SEC31B: variants seen among roughly 807,000 people sequenced by gnomAD.
SEC31B encodes the protein protein transport protein Sec31B.
In SEC31B, 113 loss-of-function variants were observed where a neutral mutation model predicts 135.0. The ratio of observed to expected loss-of-function variants is 0.84; its 90% confidence interval spans 0.72 to 0.98. SEC31B has a LOEUF of 0.98. SEC31B is among the 50% of genes least tolerant of loss of function. The probability of loss-of-function intolerance (pLI) is 0.00; values close to 1 mark genes in which losing one functional copy is unlikely to be tolerated. For synonymous variants in SEC31B, 508 were observed against 549.4 expected (o/e 0.92, Z 1.05); for missense variants, 1,296 against 1,421.1 (o/e 0.91, Z 1.42).
chr10:100,489,862 ACCTC>A, intron 21 of SEC31B, 101 bp from the exon 22 acceptor site: 3 of 1,577,864 alleles, frequency 1.9e-6, no homozygotes, highest in Non-Finnish European at 2.6e-6. Context: ...AGTTCACCAT[ACCTC>A]CCTCTGCAGA....
At position 100,487,645 on chromosome 10, in the gene SEC31B, G is replaced by A. The variant is rs1322565864; in HGVS notation, c.3511C>T (p.Leu1171Phe). The A allele has an allele frequency of 6.2e-7, 1 of 1,613,368 alleles. No homozygotes were observed. The highest frequency in any genetic ancestry group is 1.1e-5 in the South Asian group (1 of 90,892). The change falls in exon 26 of 26, where the codon CTC (leucine) becomes TTC (phenylalanine). Residue 1171 changes from leucine (L) to phenylalanine (F), a missense_variant. Transcript: ENST00000370345. ...SSFMPILKAV[L>F]IIAHKLLV Reference sequence around the variant, plus strand: ...ACCAGCAGCTTATGAGCGATGATGAGGACAGCCTTCAGGATAGGCATGAAG... The same window carrying A: ...ACCAGCAGCTTATGAGCGATGATGAAGACAGCCTTCAGGATAGGCATGAAG...
intron 7 of SEC31B, among the ~76,000 whole-genome samples, chr10:100,506,835 C>T (rs1470370645): frequency 6.6e-6 from 1 of 152,196 alleles, no homozygotes; most frequent in African/African-American, 2.4e-5. Context: ...CACAGTGGCT[C>T]ATGCTTGTAA....
At chr10:100,509,778 G>A (rs572318200) in intron 3 of SEC31B, among the ~76,000 whole-genome samples, 2 of 152,222 alleles carry the variant, frequency 1.3e-5, no homozygotes, top group Admixed American at 6.5e-5. Context: ...ACATATATAT[G>A]TACATTTTTA....
In SEC31B at chr10:100,496,396, GCTC is replaced by G; in HGVS notation, c.2169_2171del (p.Arg723del). The G allele has an allele frequency of 6.2e-7, 1 of 1,614,160 alleles. No individual in the cohort carries two copies. On this transcript the variant is annotated inframe_deletion, in exon 18 of 26. Coordinates refer to ENST00000370345, the MANE Select transcript of SEC31B (RefSeq NM_015490.4). ...CATGAGGACCCCGCAGTTGCTCCAAGCTCCTGTTAAGAACCATCACCTTCTCCA... is the reference window on the plus strand; with the variant it reads ...CATGAGGACCCCGCAGTTGCTCCAAGCTGTTAAGAACCATCACCTTCTCCA...
At position 100,514,603 on chromosome 10, in the gene SEC31B, G is replaced by A. The variant is rs71488065; in HGVS notation, c.203+1493C>T. Among the ~76,000 whole-genome samples the A allele has an allele frequency of 8.9e-3, 1,345 of 151,468 alleles. 9 individuals carry two copies. Among genetic ancestry groups the A allele is most frequent in the Non-Finnish European group, 0.014 (932 of 67,896 alleles). ...ATAAGAGATGCTCTCATAAAGTGAT[G>A]CAGGAGCTCAAGAAAGGGAAAACGA... is the stretch of plus-strand genomic sequence containing the variant. On this transcript the variant is annotated intron_variant, in intron 3 of 25. Coordinates refer to ENST00000370345, the MANE Select transcript of SEC31B (RefSeq NM_015490.4).
chr10:100,489,057 T>C, intron 23 of SEC31B, 83 bp from the exon 24 acceptor site: 4 of 1,528,266 alleles, frequency 2.6e-6, no homozygotes, highest in Non-Finnish European at 3.5e-6. Flanking sequence ...CCCCAGTGAC[T>C]CACAGTCACA....
At chr10:100,505,532 T>C in intron 9 of SEC31B, 37 bp from the exon 10 acceptor site, 1 of 1,505,380 alleles carries the variant, frequency 6.6e-7, no homozygotes, top group Non-Finnish European at 8.8e-7. Flanking sequence ...CATCCTAAAG[T>C]GGCAGTTTAG....
chr10:100,502,088 C>T (rs566869637), intron 11 of SEC31B, among the ~76,000 whole-genome samples, 166 bp downstream of exon 11: 3 of 152,266 alleles, frequency 2.0e-5, no homozygotes, highest in East Asian at 1.9e-4. Context: ...AAAGGGTGAA[C>T]GTTTTGTGTC....
rs75354095 is a variant in SEC31B, at chr10:100,487,421, T to A, written c.*195A>T. ...CAGGCCTGAGAGTGTCTTGGACAGA[T>A]CCTAGAAGGCCAGACATAAAGGAGT... On this transcript the variant is annotated 3_prime_UTR_variant, in exon 26 of 26. Coordinates refer to ENST00000370345, the MANE Select transcript of SEC31B (RefSeq NM_015490.4). 1.7e-6 allele frequency: 1 copy of A among 601,100 alleles called. No individual in the cohort carries two copies. Among genetic ancestry groups the A allele is most frequent in the East Asian group, 2.8e-5 (1 of 35,468 alleles). The allele number at this position is 601,100 out of a possible 1,614,324, so 37.2% of individuals were successfully genotyped here. A position where few individuals can be genotyped will look rare whatever the true frequency, so the allele number is the denominator to read the frequency against.
chr10:100,493,406 A>G (rs1851342115), intron 19 of SEC31B, among the ~76,000 whole-genome samples: 1 of 152,104 alleles, frequency 6.6e-6, no homozygotes. Flanking sequence ...TGGTACATTC[A>G]CACCATGGAA....
Position 100,502,381 on chromosome 10 carries a change from GATTCT to G in SEC31B, c.1278_1282del (p.Glu427Ter). 1.9e-6 allele frequency: 3 copies of G among 1,614,202 alleles called. No homozygotes were observed. Among genetic ancestry groups the G allele is most frequent in the Non-Finnish European group, 2.5e-6 (3 of 1,180,034 alleles). The stretch of plus-strand genomic sequence containing the variant: ...CTCAGCTGATCGCATCAGGAATTCA[GATTCT>G]GTGGTGACTTGACTGATGAAGACTA... On this transcript the variant is annotated frameshift_variant, in exon 11 of 26. Transcript: ENST00000370345. LOFTEE classifies it high-confidence loss of function.
At chr10:100,492,548 G>T (rs1851320115) in intron 19 of SEC31B, among the ~76,000 whole-genome samples, 2 of 152,160 alleles carry the variant, frequency 1.3e-5, no homozygotes, top group African/African-American at 4.8e-5. Context: ...ATTTAACAGA[G>T]ACTGGAAGTC....
Position 100,502,237 on chromosome 10 carries a change from G to C in SEC31B, c.1410+17C>G. On this transcript the variant is annotated intron_variant, in intron 11 of 25. Coordinates refer to ENST00000370345, the MANE Select transcript of SEC31B (RefSeq NM_015490.4). The stretch of plus-strand genomic sequence containing the variant: ...TTGGGGAGACACTTCTGAGCAGCTA[G>C]CCTTCAGGCTTCCCACCTTCAGGAA... 1 of 1,601,330 alleles carries C rather than the reference G, an allele frequency of 6.2e-7. No homozygotes were observed. The highest frequency in any genetic ancestry group is 8.5e-7 in the Non-Finnish European group (1 of 1,169,812).
chr10:100,516,004 T>A, intron 3 of SEC31B, 92 bp downstream of exon 3: 1 of 1,453,440 alleles, frequency 6.9e-7, no homozygotes, highest in South Asian at 1.3e-5. Flanking sequence ...CTTCCCTCAC[T>A]TGGCTCCTCA....
At chr10:100,493,640 C>G (rs536553275) in intron 19 of SEC31B, among the ~76,000 whole-genome samples, 8 of 152,304 alleles carry the variant, frequency 5.3e-5, no homozygotes, top group African/African-American at 1.9e-4. Context: ...AGAGGTAACA[C>G]AAGAGAGTCT....
At chr10:100,498,878 G>A in intron 13 of SEC31B, 74 bp from the exon 14 acceptor site, 2 of 1,173,108 alleles carry the variant, frequency 1.7e-6, no homozygotes, top group Middle Eastern at 2.0e-4. Context: ...TAGTAGCCCT[G>A]AGAGCTCTAC....
intron 10 of SEC31B, among the ~76,000 whole-genome samples, 183 bp downstream of exon 10, chr10:100,505,178 G>A (rs1361045844): frequency 6.6e-6 from 1 of 152,122 alleles, no homozygotes; most frequent in Non-Finnish European, 1.5e-5. Flanking sequence ...GAAGTGAAGA[G>A]AAGGAAGCTA....
Position 100,507,972 on chromosome 10 carries a change from T to C in SEC31B, c.575A>G (p.Lys192Arg), listed in dbSNP as rs774551128. Residue 192 changes from lysine (K) to arginine (R), a missense_variant, in exon 6 of 26, where the codon AAG (lysine) becomes AGG (arginine). Physicochemically the swap from Lys to Arg is conservative, Grantham distance 26. Transcript: ENST00000370345. ...CTTCCTGAGATCCCACACAACTGCCTTGCCACTGGGGTGAGCAGAAGACAG... is the reference window on the plus strand; with the variant it reads ...CTTCCTGAGATCCCACACAACTGCCCTGCCACTGGGGTGAGCAGAAGACAG... ...HILSSAHPSG[K>R]AVVWDLRKNE... 5 of 1,614,202 alleles carry C rather than the reference T, an allele frequency of 3.1e-6. No homozygotes were observed. The highest frequency in any genetic ancestry group is 1.1e-5 in the South Asian group (1 of 91,088).
intron 16 of SEC31B, 107 bp from the exon 17 acceptor site, chr10:100,497,387 G>A (rs1398386016): frequency 3.9e-6 from 6 of 1,543,248 alleles, no homozygotes; most frequent in Non-Finnish European, 5.2e-6. Context: ...AGTAGCTGCA[G>A]TTTAAGACAA....
Sources: gnomAD v4.1 joint callset for allele counts (sites outside exome capture counted in the v4.1 genomes callset) on GRCh38, gnomAD v4.1.1 for gene constraint, MANE v1.5 for transcripts, NCBI Gene and HGNC (gene_info 2026-07-23, HGNC 2026-07-21) for gene names.